Variants in MEP1A observed in about 807,000 individuals in gnomAD.
The protein encoded by MEP1A is N-benzoyl-L-tyrosyl-P-amino-benzoic acid hydrolase subunit alpha.
MEP1A carries 68 observed loss-of-function variants against 84.5 expected under a neutral mutation model. That is an observed-to-expected ratio of 0.80 (90% CI 0.66 to 0.98). MEP1A has a LOEUF of 0.98. MEP1A is among the 50% of genes least tolerant of loss of function. The pLI is 0.00. For missense variants in MEP1A, 887 were observed against 919.9 expected (o/e 0.96, Z 0.46); for synonymous variants, 337 against 336.8 (o/e 1.00, Z -0.01).
intron 3 of MEP1A, among the ~76,000 whole-genome samples, chr6:46,797,924 TTCCTTCTTTCCTTCC>T (rs1562102804): frequency 0.062 from 3,311 of 53,364 alleles, 97 homozygotes; most frequent in African/African-American, 0.1. Flanking sequence ...CCTTCCTTCC[TTCCTTCTTTCCTTCC>T]TTCCTTCCTT....
the MEP1A span, among the ~76,000 whole-genome samples, chr6:46,845,607 G>A: frequency 6.6e-6 from 1 of 152,222 alleles, no homozygotes; most frequent in Admixed American, 6.5e-5. Flanking sequence ...TGAACATTTG[G>A]AGAAGAAAAG....
chr6:46,809,683 A>T (rs1767447290), intron 6 of MEP1A, 146 bp downstream of exon 6: 1 of 592,050 alleles, frequency 1.7e-6, no homozygotes, highest in African/African-American at 1.9e-5. Flanking sequence ...GAGAACATAC[A>T]ATGTTTGTTT....
At chr6:46,822,756 G>A (rs1365811312) in intron 7 of MEP1A, among the ~76,000 whole-genome samples, 1 of 152,120 alleles carries the variant, frequency 6.6e-6, no homozygotes, top group Non-Finnish European at 1.5e-5. Flanking sequence ...TGTGGACCAG[G>A]CTGGTCTCGA....
intron 7 of MEP1A, 152 bp downstream of exon 7, chr6:46,819,856 C>T (rs545849212): frequency 2.4e-6 from 2 of 818,784 alleles, no homozygotes; most frequent in Non-Finnish European, 3.9e-6. Context: ...TTTATGTGGG[C>T]TGTGCTGGTC....
intron 5 of MEP1A, among the ~76,000 whole-genome samples, chr6:46,806,598 A>G (rs1157706761): frequency 6.6e-6 from 1 of 152,000 alleles, no homozygotes; most frequent in Non-Finnish European, 1.5e-5. Context: ...CAGCCTTCCA[A>G]TGGCTACTAC....
chr6:46,828,796 C>T (rs908369647), intron 9 of MEP1A, among the ~76,000 whole-genome samples: 4 of 152,160 alleles, frequency 2.6e-5, no homozygotes, highest in Non-Finnish European at 4.4e-5. Flanking sequence ...GGGGAAATTT[C>T]CATTTAGTCT....
chr6:46,820,855 T>C (rs6903162), intron 7 of MEP1A, among the ~76,000 whole-genome samples: 63,647 of 151,940 alleles, frequency 0.42, 13,662 homozygotes, highest in African/African-American at 0.5. Flanking sequence ...TGCAAAAACA[T>C]TGTTTTTGGC....
intron 9 of MEP1A, among the ~76,000 whole-genome samples, chr6:46,827,148 T>G (rs1767967183): frequency 6.6e-6 from 1 of 152,196 alleles, no homozygotes; most frequent in Non-Finnish European, 1.5e-5. Flanking sequence ...CTTCAGATAC[T>G]TCCTATATAT....
intron 10 of MEP1A, among the ~76,000 whole-genome samples, chr6:46,830,450 TAAG>T (rs972774451): frequency 6.6e-5 from 10 of 152,268 alleles, no homozygotes; most frequent in Admixed American, 1.3e-4. Context: ...TATATTTATA[TAAG>T]AAGGTCAGCA....
chr6:46,809,931 G>T (rs2150745269), intron 6 of MEP1A, among the ~76,000 whole-genome samples: 1 of 151,690 alleles, frequency 6.6e-6, no homozygotes, highest in East Asian at 1.9e-4. Flanking sequence ...ACATCCATGT[G>T]CAAGTATCTT....
At chr6:46,829,214 C>T in intron 9 of MEP1A, 142 bp from the exon 10 acceptor site, 2 of 666,124 alleles carry the variant, frequency 3.0e-6, no homozygotes. Flanking sequence ...TGACAAATGT[C>T]CTTCTTTTTA....
chr6:46,824,026 A>G (rs188993381), intron 7 of MEP1A, among the ~76,000 whole-genome samples: 1 of 152,276 alleles, frequency 6.6e-6, no homozygotes, highest in East Asian at 1.9e-4. Flanking sequence ...TCTTGCTTTC[A>G]GCTGCTTACC....
At chr6:46,810,763 G>A (rs1329819399) in intron 6 of MEP1A, among the ~76,000 whole-genome samples, 1 of 152,046 alleles carries the variant, frequency 6.6e-6, no homozygotes, top group Non-Finnish European at 1.5e-5. Context: ...TTTTGTTGAA[G>A]ATCAGTTGGC....
intron 10 of MEP1A, 130 bp from the exon 11 acceptor site, chr6:46,832,944 T>C: frequency 1.8e-6 from 1 of 558,878 alleles, no homozygotes; most frequent in East Asian, 2.7e-5. Context: ...TAACAGTACC[T>C]ATTTTATAGG....
At position 46,825,451 on chromosome 6, in the gene MEP1A, A is replaced by C. The variant is rs1171900904; in HGVS notation, c.736A>C (p.Ser246Arg). 6.2e-7 allele frequency: 1 copy of C among 1,613,866 alleles called. No individual in the cohort carries two copies. Among genetic ancestry groups the C allele is most frequent in the East Asian group, 2.2e-5 (1 of 44,864 alleles). Residue 246 changes from serine to arginine, a missense_variant, in exon 8 of 14, where the codon AGT becomes CGT. Coordinates refer to ENST00000230588, the MANE Select transcript of MEP1A (RefSeq NM_005588.3). ...CATTATCGGACAGCGCCTGGATTTC[A>C]GTGCCATTGATTTAGAGAGGCTGAA... ...NSIIGQRLDF[S>R]AIDLERLNRM...
At chr6:46,800,068 T>C (rs1328960) in intron 5 of MEP1A, among the ~76,000 whole-genome samples, 106,216 of 152,194 alleles carry the variant, frequency 0.7, 38,090 homozygotes, top group African/African-American at 0.86. Context: ...TAAACAAATG[T>C]TATTGTTCAC....
Position 46,829,618 on chromosome 6 carries a change from G to A in MEP1A, c.1144+47G>A, listed in dbSNP as rs745623608. On this transcript the variant is annotated intron_variant, in intron 10 of 13. Coordinates refer to ENST00000230588, the MANE Select transcript of MEP1A (RefSeq NM_005588.3). ...AGGAATGGATTGGGTTAAAATCCGG[G>A]ATCCTGCTTCTTCTCCTCCTTCCCT... 2.9e-6 allele frequency: 4 copies of A among 1,394,070 alleles called. No individual in the cohort carries two copies. In the Admixed American group the frequency reaches 5.0e-5, roughly 18 times the overall value. The allele number at this position is 1,394,070 out of a possible 1,614,324, so 86.4% of individuals were successfully genotyped here.
chr6:46,825,609 T>G, intron 8 of MEP1A, 116 bp downstream of exon 8: 1 of 740,332 alleles, frequency 1.4e-6, no homozygotes, highest in South Asian at 2.0e-5. Context: ...GCTAAAAGAA[T>G]AAGAACAAAC....
intron 6 of MEP1A, among the ~76,000 whole-genome samples, chr6:46,818,410 A>G (rs1431194026): frequency 6.6e-6 from 1 of 152,176 alleles, no homozygotes; most frequent in African/African-American, 2.4e-5. Flanking sequence ...TGCATTTATG[A>G]CTATCAGGAA....
Sources: allele counts gnomAD v4.1 joint callset (sites outside exome capture counted in the v4.1 genomes callset), GRCh38; gene constraint gnomAD v4.1.1; transcripts MANE v1.5; gene names NCBI Gene and HGNC (gene_info 2026-07-23, HGNC 2026-07-21).